The following ULK1 variants were observed in gnomAD, a reference collection of about 807,000 sequenced individuals.
ULK1 encodes serine/threonine-protein kinase ULK1.
In ULK1, 48 loss-of-function variants were observed where a neutral mutation model predicts 117.5. The ratio of observed to expected loss-of-function variants is 0.41; its 90% CI spans 0.32 to 0.52. The LOEUF (loss-of-function observed/expected upper bound fraction) is 0.52, where lower values mean the gene tolerates loss of function less well. Among genes scored for constraint, ULK1 ranks in the 20% least tolerant of loss-of-function variants. ULK1 has a pLI of 0.29. For synonymous variants in ULK1, 790 were observed against 637.8 expected, an observed-to-expected ratio of 1.24 and a Z score of -3.60; for missense variants, 1,387 against 1,473.4, an observed-to-expected ratio of 0.94 and a Z score of 0.96.
intron 3 of ULK1, among the ~76,000 whole-genome samples, chr12:131,904,103 C>A (rs1889184927): frequency 6.6e-6 from 1 of 152,000 alleles, no homozygotes; most frequent in South Asian, 2.1e-4. Context: ...TTGCCAGGGT[C>A]CTGTGGGCCA....
intron 12 of ULK1, among the ~76,000 whole-genome samples, chr12:131,911,139 G>C (rs1298995148): frequency 6.6e-6 from 1 of 152,218 alleles, no homozygotes; most frequent in East Asian, 1.9e-4. Flanking sequence ...CTCAAAGCAT[G>C]AGTAGGGTTG....
At chr12:131,897,216 C>T (rs1193226290) in intron 3 of ULK1, 1 of 152,250 alleles carries the variant, frequency 6.6e-6, no homozygotes, top group Non-Finnish European at 1.5e-5. Flanking sequence ...CCCCCACAGG[C>T]GTGGGGATTG....
chr12:131,919,737 A>T, intron 25 of ULK1, 147 bp downstream of exon 25: 1 of 1,077,240 alleles, frequency 9.3e-7, no homozygotes, highest in Non-Finnish European at 1.3e-6. Context: ...CAGTGTGCAG[A>T]GCACAGAGGC....
In ULK1 at chr12:131,918,592, GGCTGCA is replaced by G; in HGVS notation, c.2426_2431del (p.Cys809_Ser810del). On this transcript the variant is annotated inframe_deletion, in exon 23 of 28. Transcript: ENST00000321867. ...CCCTGAGCTCCCTGCTCCAGGACAC[GGCTGCA>G]GCTTTGCCGACCCCATTACTGCGAA... The G allele has an allele frequency of 6.2e-7, 1 of 1,610,792 alleles. No individual in the cohort carries two copies. The highest frequency in any genetic ancestry group is 8.5e-7 in the Non-Finnish European group (1 of 1,178,964).
intron 13 of ULK1, among the ~76,000 whole-genome samples, 155 bp from the exon 14 acceptor site, chr12:131,913,043 T>C (rs773759909): frequency 6.6e-6 from 1 of 152,132 alleles, no homozygotes; most frequent in Non-Finnish European, 1.5e-5. Context: ...GCCTGGACTG[T>C]ACCACCCAGG....
chr12:131,913,830 C>A lies in ULK1; in HGVS notation c.1241C>A (p.Pro414His). ...PSPPCSSSPS[P>H]SGRAGPFSSS... ...CCACCCTGCAGCAGCTCCCCCAGTC[C>A]CTCAGGGTAAGCAGGGCCCCAGGCT... is the stretch of plus-strand genomic sequence containing the variant. The change falls in exon 15 of 28, where the codon CCC becomes CAC. Residue 414 changes from proline to histidine, a missense_variant. Transcript: ENST00000321867. The A allele has an allele frequency of 6.5e-7, 1 of 1,539,758 alleles. No individual in the cohort carries two copies. The highest frequency in any genetic ancestry group is 8.7e-7 in the Non-Finnish European group (1 of 1,143,976).
intron 16 of ULK1, 81 bp downstream of exon 16, chr12:131,914,558 C>T (rs1006451968): frequency 3.9e-6 from 6 of 1,520,462 alleles, no homozygotes; most frequent in Non-Finnish European, 5.3e-6. Context: ...CATAGAGGGA[C>T]AGGGTCGTCA....
At chr12:131,912,838 G>T (rs1174355426) in intron 13 of ULK1, among the ~76,000 whole-genome samples, 1 of 152,170 alleles carries the variant, frequency 6.6e-6, no homozygotes, top group Non-Finnish European at 1.5e-5. Context: ...TCCTGGAGGG[G>T]GTTGGGCCCA....
rs1191399202 is a variant in ULK1 at position 131,918,634 on chromosome 12, G to A, written c.2464G>A (p.Ala822Thr). Residue 822 changes from alanine (A) to threonine (T), a missense_variant, in exon 23 of 28, where the codon GCT becomes ACT. Ala to Thr is a moderately conservative substitution (Grantham distance 58, BLOSUM62 0). Coordinates refer to ENST00000321867, the MANE Select transcript of ULK1 (RefSeq NM_003565.4). The part of the protein sequence containing the change: ...ADPITANLEG[A>T]VTFEAPDLPE... ...CCCCATTACTGCGAACCTGGAGGGG[G>A]CTGTGACCTTCGAGGCCCCCGACCT... 6.2e-7 allele frequency: 1 copy of A among 1,609,750 alleles called. No individual in the cohort carries two copies.
chr12:131,900,548 A>C (rs1889045344), intron 3 of ULK1, among the ~76,000 whole-genome samples: 1 of 152,210 alleles, frequency 6.6e-6, no homozygotes, highest in African/African-American at 2.4e-5. Context: ...CACCACAGAA[A>C]TCAGGGTATA....
intron 20 of ULK1, 45 bp downstream of exon 20, chr12:131,916,636 C>A: frequency 6.7e-7 from 1 of 1,489,366 alleles, no homozygotes; most frequent in Non-Finnish European, 8.9e-7. Context: ...GAGGGGCAGC[C>A]TCTTTCCCCT....
rs1020850037 is a variant in ULK1, at chr12:131,902,048, C to CG, written c.247-4841dup. 1.1e-4 allele frequency among the ~76,000 whole-genome samples: 16 copies of CG among 152,194 alleles called. 2 individuals are homozygous for CG. The highest frequency in any genetic ancestry group is 7.2e-4 in the Admixed American group (11 of 15,292). ...TGTCCAGACCCCCAGGCCCAGCAGGCGGGAGGCTGCAGAGGTCAGCCTTGG... is the reference window on the plus strand; with the variant it reads ...TGTCCAGACCCCCAGGCCCAGCAGGCGGGGAGGCTGCAGAGGTCAGCCTTGG... On this transcript the variant is annotated intron_variant, in intron 3 of 27. Coordinates refer to ENST00000321867, the MANE Select transcript of ULK1 (RefSeq NM_003565.4). This position sits in a 1 kb window ranked among gnomAD's most constrained non-coding sequence, Gnocchi z 6.3.
intron 16 of ULK1, 75 bp from the exon 17 acceptor site, chr12:131,915,008 C>A: frequency 6.7e-7 from 1 of 1,499,606 alleles, no homozygotes; most frequent in Non-Finnish European, 8.9e-7. Flanking sequence ...CCTGCCTTGT[C>A]CCCAGGTCCT....
At chr12:131,907,138 C>T (rs1381058863) in intron 4 of ULK1, among the ~76,000 whole-genome samples, 4 of 152,174 alleles carry the variant, frequency 2.6e-5, no homozygotes, top group Non-Finnish European at 5.9e-5. Flanking sequence ...GCCTCAGCCT[C>T]CCGAGTAGCT....
chr12:131,913,511 T>C (rs994903632), intron 14 of ULK1, among the ~76,000 whole-genome samples: 1 of 151,816 alleles, frequency 6.6e-6, no homozygotes, highest in African/African-American at 2.4e-5. Flanking sequence ...CTGGCCAACA[T>C]GGTGAAACCC....
At position 131,919,293 on chromosome 12, in the gene ULK1, G is replaced by T; in HGVS notation, c.2593G>T (p.Gly865Cys). The T allele has an allele frequency of 6.3e-7, 1 of 1,596,788 alleles. No individual in the cohort carries two copies. The highest frequency in any genetic ancestry group is 8.5e-7 in the Non-Finnish European group (1 of 1,174,832). ...CGTCCTGGAGATCGCAGCCCTGAAG[G>T]GCAGCGCCAGTGAGGCGGCGGGGGG... ...QHVLEIAALK[G>C]SASEAAGGPE... Residue 865 changes from glycine to cysteine, a missense_variant, in exon 24 of 28, where the codon GGC becomes TGC. Transcript: ENST00000321867.
rs761837361 is a variant in ULK1 at position 131,913,270 on chromosome 12, T to TCC, written c.1157+14_1157+15dup. On this transcript the variant is annotated intron_variant, in intron 14 of 27. Coordinates refer to ENST00000321867, the MANE Select transcript of ULK1 (RefSeq NM_003565.4). The stretch of plus-strand genomic sequence containing the variant: ...CTGATGTGCAGTGGGTGAGCCCCCA[T>TCC]CCCTTACCTCTGTATTTTAGGGGAG... 6.5e-7 allele frequency: 1 copy of TCC among 1,547,444 alleles called. No individual in the cohort carries two copies. Among genetic ancestry groups the TCC allele is most frequent in the Non-Finnish European group, 8.7e-7 (1 of 1,151,206 alleles).
In ULK1 at chr12:131,917,360, T is replaced by C. The variant is rs186617789; in HGVS notation, c.2183-51T>C. 2,128 of 1,287,436 alleles carry C rather than the reference T, an allele frequency of 1.7e-3. 39 individuals carry two copies. In the African/African-American group the frequency reaches 0.025, roughly 15 times the overall value. The allele number at this position is 1,287,436 out of a possible 1,614,324, so 79.8% of individuals were successfully genotyped here. A position where few individuals can be genotyped will look rare whatever the true frequency, so the allele number is the denominator to read the frequency against. On this transcript the variant is annotated intron_variant, in intron 21 of 27. Coordinates refer to ENST00000321867, the MANE Select transcript of ULK1 (RefSeq NM_003565.4). Reference sequence around the variant, plus strand: ...CGGGTTCGGCTCGGAGGCTGTGGGATGGGGGTCGGCGGGAGTCAGGATGCT... The same window carrying C: ...CGGGTTCGGCTCGGAGGCTGTGGGACGGGGGTCGGCGGGAGTCAGGATGCT...
At chr12:131,914,202 G>A (rs1889671422) in intron 15 of ULK1, 150 bp from the exon 16 acceptor site, 13 of 1,286,340 alleles carry the variant, frequency 1.0e-5, no homozygotes, top group African/African-American at 1.5e-5. Context: ...CATGGAAGCC[G>A]GCTCTTTTCA....
Sources: gnomAD v4.1 joint callset for allele counts (sites outside exome capture counted in the v4.1 genomes callset) on GRCh38, gnomAD v4.1.1 for gene constraint, Gnocchi (gnomAD v3.1) non-coding constraint, MANE v1.5 for transcripts, NCBI Gene and HGNC (gene_info 2026-07-23, HGNC 2026-07-21) for gene names.